TRERF1: variants seen among roughly 807,000 people sequenced by gnomAD.
TRERF1 encodes the protein transcriptional-regulating factor 1.
TRERF1 carries 27 observed loss-of-function variants against 122.9 expected under a neutral mutation model. The observed-to-expected ratio is 0.22, with a 90% CI of 0.16 to 0.30. The LOEUF (loss-of-function observed/expected upper bound fraction) is 0.30, where lower values mean the gene tolerates loss of function less well. TRERF1 is among the 10% of genes least tolerant of loss of function. TRERF1 has a pLI of 1.00. For synonymous variants in TRERF1, 636 were observed against 641.7 expected (o/e 0.99, Z 0.13); for missense variants, 1,248 against 1,560.3 (o/e 0.80, Z 3.37).
intron 2 of TRERF1, among the ~76,000 whole-genome samples, chr6:42,401,093 A>G (rs1283462952): frequency 6.6e-6 from 1 of 152,238 alleles, no homozygotes; most frequent in Admixed American, 6.5e-5. Flanking sequence ...CAATCATTTG[A>G]GAAGCCTTTG....
chr6:42,347,506 G>GC (rs909984233), intron 3 of TRERF1, among the ~76,000 whole-genome samples: 2 of 152,096 alleles, frequency 1.3e-5, no homozygotes, highest in Non-Finnish European at 2.9e-5. Context: ...CTTAATATGT[G>GC]CCAAGAACTG....
intron 3 of TRERF1, among the ~76,000 whole-genome samples, chr6:42,339,409 A>G (rs1482136793): frequency 1.3e-5 from 2 of 152,096 alleles, no homozygotes; most frequent in African/African-American, 4.8e-5. Flanking sequence ...AACTCACAAT[A>G]TAATAGCAGG....
intron 2 of TRERF1, among the ~76,000 whole-genome samples, chr6:42,441,226 G>GA (rs982113311): frequency 6.6e-6 from 1 of 152,112 alleles, no homozygotes; most frequent in African/African-American, 2.4e-5. Flanking sequence ...AACAGCATTT[G>GA]CTACAAGTCA....
chr6:42,320,064 G>A (rs1337693943), intron 3 of TRERF1, among the ~76,000 whole-genome samples: 1 of 151,812 alleles, frequency 6.6e-6, no homozygotes, highest in Non-Finnish European at 1.5e-5. Context: ...ACTATGCCCA[G>A]CTAATTTTTG....
At chr6:42,442,457 A>G (rs927912708) in intron 2 of TRERF1, among the ~76,000 whole-genome samples, 2 of 152,076 alleles carry the variant, frequency 1.3e-5, no homozygotes, top group Non-Finnish European at 2.9e-5. Flanking sequence ...AGGCCACACC[A>G]TCTAGAAATG....
chr6:42,298,974 A>G (rs1785570418), intron 4 of TRERF1, among the ~76,000 whole-genome samples: 1 of 151,788 alleles, frequency 6.6e-6, no homozygotes, highest in South Asian at 2.1e-4. Context: ...AAACAAACAA[A>G]CAAAAAAAGC....
chr6:42,410,688 C>G (rs1327781107), intron 2 of TRERF1, among the ~76,000 whole-genome samples: 2 of 152,102 alleles, frequency 1.3e-5, no homozygotes, highest in Non-Finnish European at 2.9e-5. Context: ...TGCAATCAAT[C>G]AATGGCCATG....
At chr6:42,448,470 A>C (rs779536712) in intron 2 of TRERF1, among the ~76,000 whole-genome samples, 17 of 152,226 alleles carry the variant, frequency 1.1e-4, no homozygotes, top group Non-Finnish European at 2.4e-4. Flanking sequence ...CAGGCCACTC[A>C]AGAGACCTTT....
chr6:42,233,298 T>C (rs1184541562), intron 16 of TRERF1, among the ~76,000 whole-genome samples: 1 of 149,404 alleles, frequency 6.7e-6, no homozygotes, highest in Admixed American at 6.6e-5. Flanking sequence ...TTTTTTTTTT[T>C]TTTTTGAGAC....
At chr6:42,305,995 C>CTTTTTTTTTTTTTTTT (rs55700516) in intron 3 of TRERF1, among the ~76,000 whole-genome samples, 2 of 69,464 alleles carry the variant, frequency 2.9e-5, no homozygotes, top group Non-Finnish European at 5.0e-5. Flanking sequence ...AATATCTCTC[C>CTTTTTTTTTTTTTTTT]TTTTTTTTTT....
intron 2 of TRERF1, among the ~76,000 whole-genome samples, chr6:42,364,295 C>T (rs1029341338): frequency 2.0e-5 from 3 of 152,230 alleles, no homozygotes; most frequent in Non-Finnish European, 4.4e-5. Flanking sequence ...GCTCTCACGT[C>T]CTTTGCAGTG....
rs759499003 is a variant in TRERF1 at position 42,269,015 on chromosome 6, G to C, written c.576C>G (p.Pro192=). 3.7e-6 allele frequency: 6 copies of C among 1,613,920 alleles called. No individual in the cohort carries two copies. In the Admixed American group the frequency reaches 8.3e-5, roughly 22 times the overall value. Reference sequence around the variant, plus strand: ...AGCGGGAAGGGATAGCCGGTGCTGGGGGCTCCATGGGCTTCTGAGACAGCA... The same window carrying C: ...AGCGGGAAGGGATAGCCGGTGCTGGCGGCTCCATGGGCTTCTGAGACAGCA... The change falls in exon 5 of 18, where the codon CCC becomes CCG. Residue 192 remains proline, a synonymous_variant. Transcript: ENST00000372922. This position sits in a 1 kb window ranked among gnomAD's most constrained non-coding sequence, Gnocchi z 4.9.
intron 3 of TRERF1, among the ~76,000 whole-genome samples, chr6:42,301,570 A>G (rs1413862642): frequency 6.6e-6 from 1 of 152,224 alleles, no homozygotes; most frequent in East Asian, 1.9e-4. Context: ...ATTAGAGATG[A>G]CTACTTTAAT....
intron 17 of TRERF1, among the ~76,000 whole-genome samples, chr6:42,230,174 T>C (rs998002477): frequency 1.3e-5 from 2 of 152,144 alleles, no homozygotes; most frequent in African/African-American, 4.8e-5. Flanking sequence ...TAAATCACAA[T>C]TCTGCTTGGA....
chr6:42,378,580 A>C (rs1775322402), intron 2 of TRERF1, among the ~76,000 whole-genome samples: 1 of 152,164 alleles, frequency 6.6e-6, no homozygotes, highest in Admixed American at 6.5e-5. Flanking sequence ...ACTAGAAGGG[A>C]CCTTGGGAAC....
At chr6:42,299,703 G>A (rs919678869) in intron 4 of TRERF1, among the ~76,000 whole-genome samples, 2 of 152,156 alleles carry the variant, frequency 1.3e-5, no homozygotes, top group African/African-American at 4.8e-5. Context: ...AAAAAAAGTT[G>A]CAGAGATAAA....
chr6:42,367,191 ACACT>A (rs1455671522), intron 2 of TRERF1, among the ~76,000 whole-genome samples: 2 of 152,188 alleles, frequency 1.3e-5, no homozygotes, highest in Non-Finnish European at 2.9e-5. Flanking sequence ...CATAAGGGGC[ACACT>A]CAGTGTTGCT....
rs141590342 is a variant in TRERF1 at position 42,427,119 on chromosome 6, G to A, written c.-454+24058C>T. Among the ~76,000 whole-genome samples, 783 of 151,834 alleles carry A rather than the reference G, an allele frequency of 5.2e-3. 13 individuals carry two copies. The highest frequency in any genetic ancestry group is 0.018 in the African/African-American group (755 of 41,406). Reference sequence around the variant, plus strand: ...GAGGATCACTTGAGGCCAGAAGCTCGAGACCAGCCTGGTCCATGTAGCAAG... The same window carrying A: ...GAGGATCACTTGAGGCCAGAAGCTCAAGACCAGCCTGGTCCATGTAGCAAG... On this transcript the variant is annotated intron_variant, in intron 2 of 17. Transcript: ENST00000372922.
At chr6:42,411,596 G>T (rs1781102631) in intron 2 of TRERF1, among the ~76,000 whole-genome samples, 1 of 152,216 alleles carries the variant, frequency 6.6e-6, no homozygotes, top group African/African-American at 2.4e-5. Flanking sequence ...CTAGCCAGAA[G>T]GGATCTGAGT....
Sources: gnomAD v4.1 joint callset for allele counts (sites outside exome capture counted in the v4.1 genomes callset) on GRCh38, gnomAD v4.1.1 for gene constraint, Gnocchi (gnomAD v3.1) non-coding constraint, MANE v1.5 for transcripts, NCBI Gene and HGNC (gene_info 2026-07-23, HGNC 2026-07-21) for gene names.